The following NFIC variants were observed in gnomAD, a reference collection of about 807,000 sequenced individuals.
The protein encoded by NFIC is nuclear factor I C.
Under a neutral mutation model 54.4 loss-of-function variants are expected in NFIC, and 12 were observed. The observed-to-expected ratio is 0.22, with a 90% CI of 0.14 to 0.36. NFIC has a LOEUF of 0.36. Among genes scored for constraint, NFIC ranks in the 10% least tolerant of loss-of-function variants. The pLI is 1.00. For synonymous variants in NFIC, 322 were observed against 319.2 expected, an observed-to-expected ratio of 1.01 and a Z score of -0.09; for missense variants, 575 against 718.2, an observed-to-expected ratio of 0.80 and a Z score of 2.28.
intron 7 of NFIC, among the ~76,000 whole-genome samples, chr19:3,450,155 C>G (rs959228828): frequency 2.0e-5 from 3 of 151,054 alleles, no homozygotes; most frequent in African/African-American, 7.3e-5. Context: ...ACCATCCTGG[C>G]TAACATGGTG....
At chr19:3,443,582 T>C (rs2082325836) in intron 6 of NFIC, among the ~76,000 whole-genome samples, 1 of 152,064 alleles carries the variant, frequency 6.6e-6, no homozygotes, top group Non-Finnish European at 1.5e-5. Context: ...GTGTGCAGCC[T>C]CCTGGGACCT....
rs1251956018 is a variant in NFIC at position 3,361,289 on chromosome 19, G to T, written c.3+1604G>T. 1.2e-4 allele frequency among the ~76,000 whole-genome samples: 19 copies of T among 152,266 alleles called. 1 individual carries two copies. In the South Asian group the frequency reaches 3.9e-3, roughly 32 times the overall value. On this transcript the variant is annotated intron_variant, in intron 1 of 9. Transcript: ENST00000395111. Reference sequence around the variant, plus strand: ...CTCCCTGAGAGGCCGTGGAAGTCCCGAGGGGTGGGTGGTTACAGCAGCACA... The same window carrying T: ...CTCCCTGAGAGGCCGTGGAAGTCCCTAGGGGTGGGTGGTTACAGCAGCACA...
At chr19:3,366,000 C>G (rs1311329179), upstream of NFIC, among the ~76,000 whole-genome samples, 1 of 146,582 alleles carries the variant, frequency 6.8e-6, no homozygotes, top group East Asian at 2.2e-4. Flanking sequence ...AAGAGGCGCG[C>G]TGGCCGGCCT....
chr19:3,404,650 C>T (rs905604513), intron 2 of NFIC, among the ~76,000 whole-genome samples: 12 of 152,074 alleles, frequency 7.9e-5, no homozygotes, highest in African/African-American at 2.4e-4. Context: ...TGCCAGCCTG[C>T]GCCGCCCAGA....
At chr19:3,363,265 A>AT (rs1163144146), upstream of NFIC, among the ~76,000 whole-genome samples, 28 of 48,712 alleles carry the variant, frequency 5.7e-4, no homozygotes, top group African/African-American at 2.0e-3. Context: ...ATATATATAT[A>AT]TATATTTTTT....
chr19:3,362,550 T>C (rs1029568421), upstream of NFIC, among the ~76,000 whole-genome samples: 1 of 152,020 alleles, frequency 6.6e-6, no homozygotes, highest in Non-Finnish European at 1.5e-5. Context: ...TATGTAGCTG[T>C]GTGTCGTGTG....
chr19:3,431,360 C>CTTTTTT (rs71164702), intron 3 of NFIC, among the ~76,000 whole-genome samples: 1 of 84,168 alleles, frequency 1.2e-5, no homozygotes, highest in Non-Finnish European at 2.2e-5. Flanking sequence ...TTTCCTTCTT[C>CTTTTTT]TTTTTTTTTT....
Position 3,389,612 on chromosome 19 carries a change from G to C in NFIC, c.562+7369G>C, listed in dbSNP as rs532892377. Reference sequence around the variant, plus strand: ...TTAGTTTTTGCCTCTGTAGAATGGGGAGAATCAGAGCTGTGCCCATTGCAT... The same window carrying C: ...TTAGTTTTTGCCTCTGTAGAATGGGCAGAATCAGAGCTGTGCCCATTGCAT... On this transcript the variant is annotated intron_variant, in intron 2 of 10. Transcript: ENST00000443272. Among the ~76,000 whole-genome samples the C allele has an allele frequency of 2.0e-4, 30 of 152,250 alleles. No individual in the cohort carries two copies. In the South Asian group the frequency reaches 6.0e-3, roughly 31 times the overall value.
At chr19:3,361,883 TG>T (rs1375009984), upstream of NFIC, among the ~76,000 whole-genome samples, 1 of 152,106 alleles carries the variant, frequency 6.6e-6, no homozygotes, top group Non-Finnish European at 1.5e-5. Context: ...TCACGGTGCC[TG>T]TGTCTGCATG....
rs887642954 is a variant in NFIC, at chr19:3,369,105, T to A, written c.30+2439T>A. On this transcript the variant is annotated intron_variant, in intron 1 of 10. Coordinates refer to ENST00000443272, the MANE Select transcript of NFIC (RefSeq NM_001245002.2). The surrounding 1 kb of genome is among the most constrained non-coding windows in gnomAD (Gnocchi z 4.3). ...CTCTTCATGTCTATCTCACCATCCCTTTCTCCTCTTTGTCTCTGCATGTCT... is the reference window on the plus strand; with the variant it reads ...CTCTTCATGTCTATCTCACCATCCCATTCTCCTCTTTGTCTCTGCATGTCT... Among the ~76,000 whole-genome samples the A allele has an allele frequency of 2.0e-4, 30 of 152,150 alleles. No individual in the cohort carries two copies. In the East Asian group the frequency reaches 4.8e-3, roughly 25 times the overall value.
intron 2 of NFIC, among the ~76,000 whole-genome samples, chr19:3,397,852 A>G (rs1033163336): frequency 2.0e-5 from 3 of 152,022 alleles, no homozygotes; most frequent in South Asian, 4.1e-4. Flanking sequence ...TGGACCACTC[A>G]TGTGTCTGAC....
intron 3 of NFIC, among the ~76,000 whole-genome samples, chr19:3,425,391 T>A (rs2145604680): frequency 6.6e-6 from 1 of 152,316 alleles, no homozygotes; most frequent in East Asian, 1.9e-4. Context: ...GCTCACCCCA[T>A]GGGAGACCCC....
Position 3,441,997 on chromosome 19 carries a change from G to A in NFIC, c.958+6790G>A, listed in dbSNP as rs111813228. Among the ~76,000 whole-genome samples, 1,363 of 152,312 alleles carry A rather than the reference G, an allele frequency of 8.9e-3. 26 individuals carry two copies. Among genetic ancestry groups the A allele is most frequent in the African/African-American group, 0.032 (1,315 of 41,570 alleles). On this transcript the variant is annotated intron_variant, in intron 6 of 10. Coordinates refer to ENST00000443272, the MANE Select transcript of NFIC (RefSeq NM_001245002.2). ...AGCTCTCCCTTCCTCTGGCGGACTCGGGGCCTTTTCTCCCGGGCAGTGCTC... is the reference window on the plus strand; with the variant it reads ...AGCTCTCCCTTCCTCTGGCGGACTCAGGGCCTTTTCTCCCGGGCAGTGCTC...
chr19:3,406,754 T>C (rs1379753186), intron 2 of NFIC, among the ~76,000 whole-genome samples: 1 of 152,012 alleles, frequency 6.6e-6, no homozygotes, highest in Admixed American at 6.6e-5. Context: ...TCAGGAGGGA[T>C]GTGAGGAGGC....
At chr19:3,444,339 A>C (rs1035809177) in intron 6 of NFIC, among the ~76,000 whole-genome samples, 1 of 152,224 alleles carries the variant, frequency 6.6e-6, no homozygotes, top group Non-Finnish European at 1.5e-5. Flanking sequence ...CCTCACAGTC[A>C]ATATTCTCAG....
chr19:3,373,284 G>A (rs73522109), intron 1 of NFIC, among the ~76,000 whole-genome samples: 5,296 of 152,308 alleles, frequency 0.035, 277 homozygotes, highest in African/African-American at 0.12. Context: ...GGCACAGAGG[G>A]AAGTAGGGGA....
At chr19:3,422,909 G>T (rs2081974575) in intron 2 of NFIC, among the ~76,000 whole-genome samples, 1 of 151,148 alleles carries the variant, frequency 6.6e-6, no homozygotes, top group Non-Finnish European at 1.5e-5. Context: ...TTTATGAAAT[G>T]GATACAGCCA....
At chr19:3,438,726 C>G (rs8105858) in intron 6 of NFIC, among the ~76,000 whole-genome samples, 6,869 of 151,956 alleles carry the variant, frequency 0.045, 561 homozygotes, top group African/African-American at 0.16. Flanking sequence ...CGTGAGCCAC[C>G]GCACCCGGCC....
chr19:3,391,758 C>G (rs941716396), intron 2 of NFIC, among the ~76,000 whole-genome samples: 14 of 152,084 alleles, frequency 9.2e-5, no homozygotes, highest in African/African-American at 3.1e-4. Context: ...GATTGCACCA[C>G]TGCCCTCCAG....
Sources: gnomAD v4.1 joint callset for allele counts (sites outside exome capture counted in the v4.1 genomes callset) on GRCh38, gnomAD v4.1.1 for gene constraint, Gnocchi (gnomAD v3.1) non-coding constraint, MANE v1.5 for transcripts, NCBI Gene and HGNC (gene_info 2026-07-23, HGNC 2026-07-21) for gene names.